The following BECN1 variants were observed in gnomAD, a reference collection of about 807,000 sequenced individuals.
BECN1 encodes beclin-1.
A neutral mutation model predicts 60.1 loss-of-function variants in BECN1; 15 were observed. The observed-to-expected ratio is 0.25, with a 90% CI of 0.17 to 0.38. The LOEUF is 0.38. Ranked by LOEUF, BECN1 falls within the 10% of genes least tolerant of loss-of-function variation. The pLI is 1.00. For missense variants in BECN1, 424 were observed against 548.2 expected (o/e 0.77, Z 2.26); for synonymous variants, 179 against 201.8 (o/e 0.89, Z 0.96).
At chr17:42,815,767 C>T in intron 8 of BECN1, 141 bp downstream of exon 8, 1 of 1,080,536 alleles carries the variant, frequency 9.3e-7, no homozygotes, top group South Asian at 1.4e-5. Context: ...TGTGCCTATC[C>T]CATCACTATG....
chr17:42,822,054 T>C (rs750356638), intron 2 of BECN1, among the ~76,000 whole-genome samples: 16 of 152,038 alleles, frequency 1.1e-4, no homozygotes, highest in Non-Finnish European at 2.1e-4. Flanking sequence ...AATACAAAAA[T>C]TAGCTGGGCG....
intron 8 of BECN1, 45 bp downstream of exon 8, chr17:42,815,863 A>T: frequency 6.2e-7 from 1 of 1,612,912 alleles, no homozygotes; most frequent in Non-Finnish European, 8.5e-7. Flanking sequence ...TCAACAGCTA[A>T]GGTCTAGATA....
chr17:42,810,932 C>T lies in BECN1; in HGVS notation c.1185-4G>A, dbSNP rs754726760. The T allele has an allele frequency of 1.9e-6, 3 of 1,599,694 alleles. No individual in the cohort carries two copies. The highest frequency in any genetic ancestry group is 2.6e-6 in the Non-Finnish European group (3 of 1,173,062). On this transcript the variant is annotated splice_region_variant and splice_polypyrimidine_tract_variant and intron_variant, in intron 11 of 11. Transcript: ENST00000590099. ...CTTGCCTTTCTCCACATCCATCCTG[C>T]AGATGGACAGAGCAAAACTCATTAG...
intron 3 of BECN1, chr17:42,820,258 A>G (rs2055235239): frequency 6.5e-6 from 1 of 154,688 alleles, no homozygotes; most frequent in African/African-American, 2.4e-5. Flanking sequence ...GTGTGTATTC[A>G]ATAGTATCTC....
intron 3 of BECN1, among the ~76,000 whole-genome samples, chr17:42,819,845 T>C (rs375326295): frequency 2.0e-5 from 3 of 152,270 alleles, no homozygotes; most frequent in African/African-American, 7.2e-5. Context: ...GGAACAGCAT[T>C]TCCTAACTAT....
At chr17:42,817,376 C>G (rs1234124713) in intron 7 of BECN1, among the ~76,000 whole-genome samples, 2 of 152,106 alleles carry the variant, frequency 1.3e-5, no homozygotes, top group Non-Finnish European at 1.5e-5. Context: ...TTTCTATACA[C>G]TTACTGTCCT....
In BECN1 at chr17:42,818,723, C is replaced by T. The variant is rs771665892; in HGVS notation, c.352-43G>A. The stretch of plus-strand genomic sequence containing the variant: ...TCAGGGTAGGGCCTCCCCCATGCTT[C>T]CTGCTCAATTACCCACTCTCCCAGC... On this transcript the variant is annotated intron_variant, in intron 5 of 11. Transcript: ENST00000590099. 3.7e-6 allele frequency: 6 copies of T among 1,613,856 alleles called. No homozygotes were observed. In the East Asian group the frequency reaches 1.3e-4, roughly 36 times the overall value.
Position 42,810,737 on chromosome 17 carries a change from A to T in BECN1, c.*23T>A, listed in dbSNP as rs1309808078. ...AAACAAAATTAAAAGCCTTTAAGGCAAACCTCCCCCTAAGGAAAAAAGTCA... is the reference window on the plus strand; with the variant it reads ...AAACAAAATTAAAAGCCTTTAAGGCTAACCTCCCCCTAAGGAAAAAAGTCA... On this transcript the variant is annotated 3_prime_UTR_variant, in exon 12 of 12. Transcript: ENST00000590099. 6.3e-7 allele frequency: 1 copy of T among 1,579,604 alleles called. No individual in the cohort carries two copies. Among genetic ancestry groups the T allele is most frequent in the Non-Finnish European group, 8.6e-7 (1 of 1,164,726 alleles).
Position 42,815,872 on chromosome 17 carries a change from T to A in BECN1, c.830+36A>T, listed in dbSNP as rs569334474. ...TAGTGGTCAACAGCTAAGGTCTAGA[T>A]ATGTGCAGTGCTCCTCATCCCCTAG... On this transcript the variant is annotated intron_variant, in intron 8 of 11. Transcript: ENST00000590099. The A allele has an allele frequency of 1.1e-5, 18 of 1,613,716 alleles. No homozygotes were observed. The African/African-American group carries it at 1.5e-4, about 13-fold the overall frequency.
At position 42,824,267 on chromosome 17, in the gene BECN1, T is replaced by C; in HGVS notation, c.-115A>G. The C allele has an allele frequency of 2.5e-6, 1 of 399,854 alleles. No individual in the cohort carries two copies. The highest frequency in any genetic ancestry group is 4.4e-6 in the Non-Finnish European group (1 of 226,236). 24.8% of individuals were successfully genotyped at this position (399,854 alleles called of 1,614,324 possible). On this transcript the variant is annotated 5_prime_UTR_variant, in exon 1 of 12. Coordinates refer to ENST00000590099, the MANE Select transcript of BECN1 (RefSeq NM_001313998.2). ...CTACCATCGCTCTGTCTTCAGCGAC[T>C]TCCCGGTAGCCGCCGGAAAACTTCC...
At chr17:42,823,653 T>A in intron 2 of BECN1, 95 bp downstream of exon 2, 1 of 1,496,164 alleles carries the variant, frequency 6.7e-7, no homozygotes, top group East Asian at 2.3e-5. Context: ...CACGATGAGT[T>A]TGTGGCAGAC....
intron 10 of BECN1, 129 bp from the exon 11 acceptor site, chr17:42,811,926 A>G (rs1464319973): frequency 4.5e-6 from 5 of 1,121,750 alleles, no homozygotes; most frequent in Non-Finnish European, 6.3e-6. Context: ...TTGTAGCTGG[A>G]CTCTATCTTC....
In BECN1 at chr17:42,811,113, T is replaced by C. The variant is rs549332143; in HGVS notation, c.1185-185A>G. On this transcript the variant is annotated intron_variant, in intron 11 of 11. Coordinates refer to ENST00000590099, the MANE Select transcript of BECN1 (RefSeq NM_001313998.2). The stretch of plus-strand genomic sequence containing the variant: ...CAAGAAGACTGTCACAAGAGCCTCA[T>C]TGTCATTGCAGAGTACAGGGACAGG... 1,071 of 572,272 alleles carry C rather than the reference T, an allele frequency of 1.9e-3. 5 individuals carry two copies. The highest frequency in any genetic ancestry group is 3.2e-3 in the Middle Eastern group (7 of 2,162). The allele number at this position is 572,272 out of a possible 1,614,324, so 35.4% of individuals were successfully genotyped here. A position where few individuals can be genotyped will look rare whatever the true frequency, so the allele number is the denominator to read the frequency against.
intron 7 of BECN1, 105 bp downstream of exon 7, chr17:42,818,112 GCTGA>G (rs749628681): frequency 3.5e-4 from 426 of 1,209,936 alleles, no homozygotes; most frequent in Non-Finnish European, 4.6e-4. Context: ...CAGGCATGCT[GCTGA>G]CTGACAGCTG....
chr17:42,810,680 C>A lies in BECN1; in HGVS notation c.*80G>T, dbSNP rs1366935228. 4 of 1,430,952 alleles carry A rather than the reference C, an allele frequency of 2.8e-6. No homozygotes were observed. Among genetic ancestry groups the A allele is most frequent in the Non-Finnish European group, 1.9e-6 (2 of 1,062,240 alleles). 88.6% of individuals were successfully genotyped at this position (1,430,952 alleles called of 1,614,324 possible). ...TGTAAACATGTACTGTTTAATATTA[C>A]CCGAATTTAATTTAAAACATGTTTG... On this transcript the variant is annotated 3_prime_UTR_variant, in exon 12 of 12. Transcript: ENST00000590099.
intron 10 of BECN1, 191 bp from the exon 11 acceptor site, chr17:42,811,988 A>C: frequency 1.6e-6 from 1 of 609,372 alleles, no homozygotes; most frequent in South Asian, 2.7e-5. Context: ...TGCACTTAGA[A>C]CTGTTTCACT....
In BECN1 at chr17:42,818,457, T is replaced by C. The variant is rs756017203; in HGVS notation, c.489-42A>G. On this transcript the variant is annotated intron_variant, in intron 6 of 11. Transcript: ENST00000590099. ...CAGACTATACTTACTAGAGCTCCATTTGCCTGAGTGGAGTACGGCTCTTGG... is the reference window on the plus strand; with the variant it reads ...CAGACTATACTTACTAGAGCTCCATCTGCCTGAGTGGAGTACGGCTCTTGG... 41 of 1,612,198 alleles carry C rather than the reference T, an allele frequency of 2.5e-5. 1 individual carries two copies. In the South Asian group the frequency reaches 4.2e-4, roughly 16 times the overall value.
At chr17:42,817,347 T>C (rs1021309591) in intron 7 of BECN1, among the ~76,000 whole-genome samples, 6 of 151,932 alleles carry the variant, frequency 3.9e-5, no homozygotes, top group African/African-American at 1.2e-4. Flanking sequence ...CTGGCCATAA[T>C]TGGCCTTCTA....
In BECN1 at chr17:42,810,678, TACCCG is replaced by T; in HGVS notation, c.*77_*81del. 1 of 1,433,510 alleles carries T rather than the reference TACCCG, an allele frequency of 7.0e-7. No homozygotes were observed. The highest frequency in any genetic ancestry group is 2.3e-5 in the East Asian group (1 of 43,228). The allele number at this position is 1,433,510 out of a possible 1,614,324, so 88.8% of individuals were successfully genotyped here. A position where few individuals can be genotyped will look rare whatever the true frequency, so the allele number is the denominator to read the frequency against. ...ATTGTAAACATGTACTGTTTAATAT[TACCCG>T]AATTTAATTTAAAACATGTTTGCAA... is the stretch of plus-strand genomic sequence containing the variant. On this transcript the variant is annotated 3_prime_UTR_variant, in exon 12 of 12. Coordinates refer to ENST00000590099, the MANE Select transcript of BECN1 (RefSeq NM_001313998.2).
Sources: gnomAD v4.1 joint callset for allele counts (sites outside exome capture counted in the v4.1 genomes callset) on GRCh38, gnomAD v4.1.1 for gene constraint, MANE v1.5 for transcripts, NCBI Gene and HGNC (gene_info 2026-07-23, HGNC 2026-07-21) for gene names.